Variants in DERA observed in about 807,000 individuals in gnomAD.
The protein encoded by DERA is deoxyribose-phosphate aldolase.
Under a neutral mutation model 41.1 loss-of-function variants are expected in DERA, and 15 were observed. That is an observed-to-expected ratio of 0.37 (90% CI 0.24 to 0.56). The LOEUF is 0.56. Among genes scored for constraint, DERA ranks in the 20% least tolerant of loss-of-function variants. The probability of loss-of-function intolerance (pLI) is 0.81; values close to 1 mark genes in which losing one functional copy is unlikely to be tolerated. For synonymous variants in DERA, 139 were observed against 137.4 expected (o/e 1.01, Z -0.08); for missense variants, 396 against 403.4 (o/e 0.98, Z 0.16).
At chr12:16,031,905 G>T (rs79217757) in intron 6 of DERA, among the ~76,000 whole-genome samples, 1,550 of 152,260 alleles carry the variant, frequency 0.01, 10 homozygotes, top group Non-Finnish European at 0.016. Context: ...TAACTACTGT[G>T]ATCATTTCTT....
At position 15,935,089 on chromosome 12, in the gene DERA, T is replaced by C. The variant is rs527725202; in HGVS notation, c.32-21847T>C. Among the ~76,000 whole-genome samples, 7 of 152,276 alleles carry C rather than the reference T, an allele frequency of 4.6e-5. No individual in the cohort carries two copies. The South Asian group carries it at 1.5e-3, about 32-fold the overall frequency. The stretch of plus-strand genomic sequence containing the variant: ...AGTTTGGAAAAACAATTGACAGACA[T>C]CAAGTTAAGGTTTTTGAAAAACTAA... On this transcript the variant is annotated intron_variant, in intron 1 of 8. Coordinates refer to ENST00000428559, the MANE Select transcript of DERA (RefSeq NM_015954.4). The surrounding 1 kb of genome is among the most constrained non-coding windows in gnomAD (Gnocchi z 4.8).
intron 6 of DERA, among the ~76,000 whole-genome samples, chr12:16,015,627 A>G (rs1255742594): frequency 6.6e-6 from 1 of 152,250 alleles, no homozygotes; most frequent in Non-Finnish European, 1.5e-5. Flanking sequence ...AATTTGGTCA[A>G]CCTTATCTAT....
At position 15,993,888 on chromosome 12, in the gene DERA, A is replaced by C. The variant is rs1391509815; in HGVS notation, c.637+11452A>C. On this transcript the variant is annotated intron_variant, in intron 6 of 8. Coordinates refer to ENST00000428559, the MANE Select transcript of DERA (RefSeq NM_015954.4). The surrounding 1 kb of genome is among the most constrained non-coding windows in gnomAD (Gnocchi z 4.4). ...AACTACTGATGGTGTATTTTGGTACATGCATATCCTTTTAAAGAAAAGGTT... is the reference window on the plus strand; with the variant it reads ...AACTACTGATGGTGTATTTTGGTACCTGCATATCCTTTTAAAGAAAAGGTT... Among the ~76,000 whole-genome samples the C allele has an allele frequency of 1.3e-5, 2 of 152,246 alleles. No individual in the cohort carries two copies. The highest frequency in any genetic ancestry group is 3.9e-4 in the East Asian group (2 of 5,194).
At position 16,017,277 on chromosome 12, in the gene DERA, C is replaced by T. The variant is rs1948989155; in HGVS notation, c.638-15265C>T. On this transcript the variant is annotated intron_variant, in intron 6 of 8. Transcript: ENST00000428559. The surrounding 1 kb of genome is among the most constrained non-coding windows in gnomAD (Gnocchi z 5.5). ...ACTGCCATTATGCTTAAACAAGCATCATTGCTTAGTTATCGTGTTCTATTG... is the reference window on the plus strand; with the variant it reads ...ACTGCCATTATGCTTAAACAAGCATTATTGCTTAGTTATCGTGTTCTATTG... 6.6e-6 allele frequency among the ~76,000 whole-genome samples: 1 copy of T among 152,208 alleles called. No homozygotes were observed. Among genetic ancestry groups the T allele is most frequent in the East Asian group, 1.9e-4 (1 of 5,198 alleles).
Position 15,984,570 on chromosome 12 carries a change from G to C in DERA, c.637+2134G>C, listed in dbSNP as rs549981418. Among the ~76,000 whole-genome samples, 2 of 152,150 alleles carry C rather than the reference G, an allele frequency of 1.3e-5. No individual in the cohort carries two copies. Among genetic ancestry groups the C allele is most frequent in the East Asian group, 3.9e-4 (2 of 5,166 alleles). On this transcript the variant is annotated intron_variant, in intron 6 of 8. Coordinates refer to ENST00000428559, the MANE Select transcript of DERA (RefSeq NM_015954.4). The surrounding 1 kb of genome is among the most constrained non-coding windows in gnomAD (Gnocchi z 4.5). ...CAGTCCTGGAGTGGAAGAAATCTAG[G>C]ATTGTGTGACTTGTTTAAGGTCACA...
rs762113775 is a variant in DERA at position 15,941,914 on chromosome 12, G to T, written c.32-15022G>T. Among the ~76,000 whole-genome samples the T allele has an allele frequency of 6.6e-6, 1 of 152,128 alleles. No individual in the cohort carries two copies. The highest frequency in any genetic ancestry group is 1.5e-5 in the Non-Finnish European group (1 of 68,006). ...AATAGTGGGATTGCTGGATTGAATGGTAAGTTCTTTAAGGAATCCCCGTAC... is the reference window on the plus strand; with the variant it reads ...AATAGTGGGATTGCTGGATTGAATGTTAAGTTCTTTAAGGAATCCCCGTAC... On this transcript the variant is annotated intron_variant, in intron 1 of 8. Coordinates refer to ENST00000428559, the MANE Select transcript of DERA (RefSeq NM_015954.4). This position sits in a 1 kb window ranked among gnomAD's most constrained non-coding sequence, Gnocchi z 4.5.
intron 6 of DERA, among the ~76,000 whole-genome samples, chr12:15,991,742 A>G (rs751553498): frequency 8.5e-5 from 13 of 152,134 alleles, no homozygotes; most frequent in Non-Finnish European, 1.8e-4. Context: ...CTTCACAGCA[A>G]CCCTATGAAG....
Position 15,994,409 on chromosome 12 carries a change from G to T in DERA, c.637+11973G>T, listed in dbSNP as rs1001337520. 1.2e-4 allele frequency among the ~76,000 whole-genome samples: 19 copies of T among 152,140 alleles called. No individual in the cohort carries two copies. The highest frequency in any genetic ancestry group is 2.0e-4 in the Admixed American group (3 of 15,280). ...TGTAATTCCTAGCATATTAACTCTT[G>T]GTTATTTATTCCTTAATATCTGTGC... is the stretch of plus-strand genomic sequence containing the variant. On this transcript the variant is annotated intron_variant, in intron 6 of 8. Transcript: ENST00000428559. The surrounding 1 kb of genome is among the most constrained non-coding windows in gnomAD (Gnocchi z 4.8).
At chr12:15,912,074 T>C (rs1832523479) in intron 1 of DERA, among the ~76,000 whole-genome samples, 1 of 151,798 alleles carries the variant, frequency 6.6e-6, no homozygotes, top group Admixed American at 6.6e-5. Context: ...GAGGGGGATT[T>C]GGCAGGGTCA....
intron 1 of DERA, among the ~76,000 whole-genome samples, chr12:15,948,577 G>T (rs532111245): frequency 3.3e-5 from 5 of 152,112 alleles, no homozygotes; most frequent in Admixed American, 6.5e-5. Context: ...CTCTACACTG[G>T]TTATTCTAGT....
intron 6 of DERA, among the ~76,000 whole-genome samples, chr12:15,997,682 A>G (rs1258063488): frequency 6.6e-6 from 1 of 152,224 alleles, no homozygotes; most frequent in African/African-American, 2.4e-5. Flanking sequence ...TGGCTCTAAA[A>G]AAATCCATAA....
chr12:15,924,406 A>G lies in DERA; in HGVS notation c.31+12992A>G, dbSNP rs995597642. ...GCAATACCCTGTTTCTAAAATTAAA[A>G]TGTATATATATAAAAGTTAAATAAT... is the stretch of plus-strand genomic sequence containing the variant. On this transcript the variant is annotated intron_variant, in intron 1 of 8. Transcript: ENST00000428559. This position sits in a 1 kb window ranked among gnomAD's most constrained non-coding sequence, Gnocchi z 5.0. Among the ~76,000 whole-genome samples the G allele has an allele frequency of 2.0e-5, 3 of 152,376 alleles. No homozygotes were observed. Among genetic ancestry groups the G allele is most frequent in the South Asian group, 2.1e-4 (1 of 4,830 alleles).
intron 5 of DERA, among the ~76,000 whole-genome samples, chr12:15,968,274 T>G (rs1237585539): frequency 6.6e-6 from 1 of 152,236 alleles, no homozygotes; most frequent in Non-Finnish European, 1.5e-5. Context: ...TTGTATTTCC[T>G]GTATGTTTCT....
intron 5 of DERA, among the ~76,000 whole-genome samples, chr12:15,980,149 G>A (rs1009979458): frequency 3.3e-5 from 5 of 152,176 alleles, no homozygotes; most frequent in Non-Finnish European, 7.3e-5. Flanking sequence ...TAAACTTTTT[G>A]AGTGCTTATA....
At chr12:16,033,581 T>TTGTGTGTGTGTGTGTGTGTG (rs146182174) in intron 7 of DERA, among the ~76,000 whole-genome samples, 3 of 127,710 alleles carry the variant, frequency 2.3e-5, no homozygotes, top group Non-Finnish European at 4.9e-5. Context: ...GAGAGCAAGG[T>TTGTGTGTGTGTGTGTGTGTG]TGTGTGTGTG....
At position 15,984,194 on chromosome 12, in the gene DERA, AC is replaced by A. The variant is rs1418086983; in HGVS notation, c.637+1760del. ...GTCACATCGGAGCCAATCTTGTGAT[AC>A]CTGTTACCCCAGCTGTTATCCTGGT... On this transcript the variant is annotated intron_variant, in intron 6 of 8. Transcript: ENST00000428559. This position sits in a 1 kb window ranked among gnomAD's most constrained non-coding sequence, Gnocchi z 4.5. Among the ~76,000 whole-genome samples the A allele has an allele frequency of 8.5e-5, 13 of 152,108 alleles. No individual in the cohort carries two copies. The highest frequency in any genetic ancestry group is 8.5e-4 in the Admixed American group (13 of 15,270).
chr12:16,006,327 G>C (rs1169054004), intron 6 of DERA, among the ~76,000 whole-genome samples: 1 of 152,200 alleles, frequency 6.6e-6, no homozygotes, highest in African/African-American at 2.4e-5. Context: ...TGCGTTGCCA[G>C]TGAGATTTTT....
At position 15,957,549 on chromosome 12, in the gene DERA, G is replaced by A. The variant is rs1187377622; in HGVS notation, c.129+516G>A. Among the ~76,000 whole-genome samples, 1 of 152,150 alleles carries A rather than the reference G, an allele frequency of 6.6e-6. No homozygotes were observed. The highest frequency in any genetic ancestry group is 1.5e-5 in the Non-Finnish European group (1 of 68,042). On this transcript the variant is annotated intron_variant, in intron 2 of 8. Coordinates refer to ENST00000428559, the MANE Select transcript of DERA (RefSeq NM_015954.4). The surrounding 1 kb of genome is among the most constrained non-coding windows in gnomAD (Gnocchi z 4.8). ...TTTTCTTCAGTGTATCCCAACCAAA[G>A]ACGTGCTGTGTAGGATTAAAGGGAA...
Position 15,931,329 on chromosome 12 carries a change from G to T in DERA, c.31+19915G>T, listed in dbSNP as rs1948326469. On this transcript the variant is annotated intron_variant, in intron 1 of 8. Coordinates refer to ENST00000428559, the MANE Select transcript of DERA (RefSeq NM_015954.4). The surrounding 1 kb of genome is among the most constrained non-coding windows in gnomAD (Gnocchi z 4.6). ...CTTCATCTAGTAGTTTTCATTGAGA[G>T]GAAAGAGTTAAGTGGATTTTCTCTG... is the stretch of plus-strand genomic sequence containing the variant. Among the ~76,000 whole-genome samples, 1 of 152,146 alleles carries T rather than the reference G, an allele frequency of 6.6e-6. No homozygotes were observed. Among genetic ancestry groups the T allele is most frequent in the African/African-American group, 2.4e-5 (1 of 41,442 alleles).
Sources: allele counts gnomAD v4.1 joint callset (sites outside exome capture counted in the v4.1 genomes callset), GRCh38; gene constraint gnomAD v4.1.1; non-coding constraint Gnocchi (gnomAD v3.1); transcripts MANE v1.5; gene names NCBI Gene and HGNC (gene_info 2026-07-23, HGNC 2026-07-21).